Variants in COL5A2 observed in about 807,000 individuals in gnomAD.
The protein encoded by COL5A2 is collagen type V alpha 2 chain, also known as collagen alpha-2(V) chain.
COL5A2 carries 23 observed loss-of-function variants against 208.2 expected under a neutral mutation model. The ratio of observed to expected loss-of-function variants is 0.11; its 90% CI spans 0.08 to 0.16. The LOEUF (loss-of-function observed/expected upper bound fraction) is 0.16, where lower values mean the gene tolerates loss of function less well. Ranked by LOEUF, COL5A2 falls within the 10% of genes least tolerant of loss-of-function variation. COL5A2 has a pLI of 1.00. For synonymous variants in COL5A2, 625 were observed against 628.5 expected, an observed-to-expected ratio of 0.99 and a Z score of 0.08; for missense variants, 1,590 against 1,956.4, an observed-to-expected ratio of 0.81 and a Z score of 3.53.
At chr2:189,053,332 A>G in intron 38 of COL5A2, 92 bp downstream of exon 38, 3 of 1,194,994 alleles carry the variant, frequency 2.5e-6, no homozygotes, top group Non-Finnish European at 3.7e-6. Context: ...AATTTTCCAG[A>G]ATACGACTTC....
intron 17 of COL5A2, 96 bp from the exon 18 acceptor site, chr2:189,072,189 A>C (rs1053665291): frequency 5.0e-6 from 4 of 797,912 alleles, no homozygotes; most frequent in Non-Finnish European, 6.4e-6. Context: ...TATTAGACAC[A>C]TAAGAATAAC....
Position 189,167,438 on chromosome 2 carries a change from AAAAC to A in COL5A2, c.97+12066_97+12069del, listed in dbSNP as rs1235570853. ...AATACACTCCCCCACTCCATTTTTT[AAAAC>A]AAACAAACAAAAATGATTCTAAGTA... On this transcript the variant is annotated intron_variant, in intron 1 of 53. Transcript: ENST00000374866. 1.1e-4 allele frequency among the ~76,000 whole-genome samples: 17 copies of A among 152,282 alleles called. 1 individual carries two copies. The South Asian group carries it at 2.7e-3, about 24-fold the overall frequency.
intron 2 of COL5A2, among the ~76,000 whole-genome samples, chr2:189,108,737 T>A (rs1196312303): frequency 6.6e-6 from 1 of 151,930 alleles, no homozygotes; most frequent in African/African-American, 2.4e-5. Flanking sequence ...TTCAGGGTTA[T>A]CCCTTGCTTG....
At chr2:189,154,366 G>A (rs953911428) in intron 1 of COL5A2, among the ~76,000 whole-genome samples, 3 of 152,194 alleles carry the variant, frequency 2.0e-5, no homozygotes, top group Non-Finnish European at 2.9e-5. Flanking sequence ...GGTTTAATAA[G>A]GATGCGCTCA....
chr2:189,075,327 T>G, intron 17 of COL5A2, 66 bp downstream of exon 17: 1 of 1,197,794 alleles, frequency 8.3e-7, no homozygotes, highest in Non-Finnish European at 1.2e-6. Flanking sequence ...GTAAATGTTT[T>G]TGAATGTACA....
chr2:189,413,539 G>A, the COL5A2 span, among the ~76,000 whole-genome samples: 2 of 152,132 alleles, frequency 1.3e-5, no homozygotes, highest in African/African-American at 4.8e-5. Flanking sequence ...GTGCATTGCA[G>A]GGAAGAAGAA....
At chr2:189,057,968 C>T (rs1685937705) in intron 33 of COL5A2, among the ~76,000 whole-genome samples, 2 of 152,254 alleles carry the variant, frequency 1.3e-5, no homozygotes, top group Middle Eastern at 3.4e-3. Flanking sequence ...CTAAATGGCA[C>T]ACATTTCTGC....
At chr2:189,096,720 T>C (rs974916746) in intron 6 of COL5A2, among the ~76,000 whole-genome samples, 1 of 152,068 alleles carries the variant, frequency 6.6e-6, no homozygotes, top group Non-Finnish European at 1.5e-5. Flanking sequence ...CTTTGGTATA[T>C]ATTATATAAT....
intron 27 of COL5A2, 25 bp downstream of exon 27, chr2:189,063,147 C>G (rs372164887): frequency 3.5e-5 from 56 of 1,611,444 alleles, no homozygotes; most frequent in Non-Finnish European, 4.8e-5. Context: ...GATGAGGTGG[C>G]CAACATATTA....
intron 1 of COL5A2, among the ~76,000 whole-genome samples, chr2:189,168,073 G>A (rs912810285): frequency 6.6e-6 from 1 of 151,750 alleles, no homozygotes; most frequent in Non-Finnish European, 1.5e-5. Flanking sequence ...GAGTAGCTGG[G>A]ACTACAGGCG....
At chr2:189,272,124 C>T in the COL5A2 span, among the ~76,000 whole-genome samples, 1 of 152,048 alleles carries the variant, frequency 6.6e-6, no homozygotes, top group East Asian at 1.9e-4. Context: ...GGATCTAGAA[C>T]CAGAAATACC....
At chr2:189,355,699 T>C in the COL5A2 span, among the ~76,000 whole-genome samples, 1 of 152,204 alleles carries the variant, frequency 6.6e-6, no homozygotes, top group African/African-American at 2.4e-5. Context: ...GTCTCCTGAA[T>C]ATAGCACACT....
At chr2:189,358,013 T>G in the COL5A2 span, among the ~76,000 whole-genome samples, 5,379 of 151,982 alleles carry the variant, frequency 0.035, 113 homozygotes, top group Admixed American at 0.05. Context: ...CCAGGTGAGG[T>G]GACACCCCAC....
the COL5A2 span, among the ~76,000 whole-genome samples, chr2:189,271,146 C>G: frequency 1.3e-5 from 2 of 151,790 alleles, no homozygotes; most frequent in Non-Finnish European, 2.9e-5. Context: ...CACAGAATTA[C>G]AAAAAAACTA....
chr2:189,256,478 C>A, the COL5A2 span, among the ~76,000 whole-genome samples: 1 of 152,152 alleles, frequency 6.6e-6, no homozygotes, highest in Non-Finnish European at 1.5e-5. Context: ...GTTCACCCCT[C>A]CTCCTGATCT....
chr2:189,410,650 TG>T, the COL5A2 span, among the ~76,000 whole-genome samples: 4 of 152,202 alleles, frequency 2.6e-5, no homozygotes, highest in African/African-American at 9.7e-5. Flanking sequence ...AATAATGCTT[TG>T]TTTTTTTAAT....
chr2:189,058,708 A>C lies in COL5A2; in HGVS notation c.2130+141T>G, dbSNP rs12989558. The stretch of plus-strand genomic sequence containing the variant: ...AAGGATATGCTAGTTTCATAGCACA[A>C]AATATTTCTCATAAAATTAATTTTT... On this transcript the variant is annotated intron_variant, in intron 32 of 53. Transcript: ENST00000374866. The C allele has an allele frequency of 0.76, 707,060 of 927,148 alleles. 272,950 individuals are homozygous for C. The highest frequency in any genetic ancestry group is 0.81 in the Non-Finnish European group (479,024 of 592,934). 57.4% of individuals were successfully genotyped at this position (927,148 alleles called of 1,614,324 possible).
the COL5A2 span, among the ~76,000 whole-genome samples, chr2:189,376,613 A>G: frequency 2.0e-5 from 3 of 152,218 alleles, no homozygotes; most frequent in African/African-American, 7.2e-5. Flanking sequence ...GCACAGGAAT[A>G]TAAATGTATT....
the COL5A2 span, among the ~76,000 whole-genome samples, chr2:189,435,619 A>G: frequency 2.0e-5 from 3 of 152,248 alleles, no homozygotes; most frequent in African/African-American, 7.2e-5. Context: ...AATCAAAACC[A>G]CAATGAGATA....
Sources: allele counts gnomAD v4.1 joint callset (sites outside exome capture counted in the v4.1 genomes callset), GRCh38; gene constraint gnomAD v4.1.1; transcripts MANE v1.5; gene names NCBI Gene and HGNC (gene_info 2026-07-23, HGNC 2026-07-21).